PCDHA5: variants seen among roughly 807,000 people sequenced by gnomAD.
PCDHA5 encodes the protein protocadherin alpha 5, also known as protocadherin alpha-5.
A neutral mutation model predicts 61.6 loss-of-function variants in PCDHA5; 43 were observed. That is an observed-to-expected ratio of 0.70 (90% CI 0.55 to 0.90). PCDHA5 has a LOEUF of 0.90. Ranked by LOEUF, PCDHA5 falls within the 40% of genes least tolerant of loss-of-function variation. The pLI, the probability that PCDHA5 is intolerant of heterozygous loss-of-function variation, is 0.00. For missense variants in PCDHA5, 1,298 were observed against 1,222.7 expected (o/e 1.06, Z -0.92); for synonymous variants, 627 against 543.9 (o/e 1.15, Z -2.13).
At chr5:140,926,155 T>TGCAGCAGGATCCAGCGCGGAAAGCCCC (rs1563077309) in intron 1 of PCDHA5, among the ~76,000 whole-genome samples, 3 of 152,076 alleles carry the variant, frequency 2.0e-5, no homozygotes, top group African/African-American at 4.8e-5. Context: ...CGGAAAGCTC[T>TGCAGCAGGATCCAGCGCGGAAAGCCCC]GCAGCAGGAT....
rs187442653 is a variant in PCDHA5 at position 140,926,080 on chromosome 5, C to T, written c.2353-52869C>T. ...TCCCCTCCTTGTCGTCTCTATTGCC[C>T]TCTTGGCAGCTCCTGGGATACAAGA... On this transcript the variant is annotated intron_variant, in intron 1 of 3. Transcript: ENST00000529859. Among the ~76,000 whole-genome samples, 179 of 152,334 alleles carry T rather than the reference C, an allele frequency of 1.2e-3. 1 individual carries two copies. Among genetic ancestry groups the T allele is most frequent in the African/African-American group, 3.9e-3 (162 of 41,574 alleles).
At chr5:140,944,608 G>T (rs2093673405) in intron 1 of PCDHA5, among the ~76,000 whole-genome samples, 1 of 152,176 alleles carries the variant, frequency 6.6e-6, no homozygotes, top group Non-Finnish European at 1.5e-5. Context: ...AGAGTAGTGT[G>T]CTGTAGAAGT....
chr5:141,003,445 G>A (rs2098125256), intron 3 of PCDHA5, among the ~76,000 whole-genome samples: 1 of 152,112 alleles, frequency 6.6e-6, no homozygotes, highest in African/African-American at 2.4e-5. Flanking sequence ...CCAAGTAGAT[G>A]AAATTACAGG....
At position 140,863,948 on chromosome 5, in the gene PCDHA5, C is replaced by T. The variant is rs782241873; in HGVS notation, c.2352+39821C>T. On this transcript the variant is annotated intron_variant, in intron 1 of 3. Transcript: ENST00000529859. ...CCTAGGAGGCAGAGGTTGCGGTGAG[C>T]CTAGATTAGGCCACTGCACTACAGC... is the stretch of plus-strand genomic sequence containing the variant. 1.5e-3 allele frequency: 237 copies of T among 158,844 alleles called. 8 individuals carry two copies. The highest frequency in any genetic ancestry group is 2.3e-3 in the Admixed American group (40 of 17,122). 9.8% of individuals were successfully genotyped at this position (158,844 alleles called of 1,614,324 possible). A position where few individuals can be genotyped will look rare whatever the true frequency, so the allele number is the denominator to read the frequency against.
At chr5:140,927,097 G>A in intron 1 of PCDHA5, 1 of 1,613,358 alleles carries the variant, frequency 6.2e-7, no homozygotes, top group Non-Finnish European at 8.5e-7. Context: ...CTTCGGGGTG[G>A]ATCTACCCAG....
chr5:140,977,074 T>C (rs1315038002), intron 1 of PCDHA5, among the ~76,000 whole-genome samples: 1 of 152,244 alleles, frequency 6.6e-6, no homozygotes, highest in Admixed American at 6.5e-5. Flanking sequence ...AATAGCAGCA[T>C]GACAAATTAA....
At chr5:140,967,989 T>G (rs781892084) in intron 1 of PCDHA5, 2 of 1,614,228 alleles carry the variant, frequency 1.2e-6, no homozygotes, top group Non-Finnish European at 1.7e-6. Flanking sequence ...GAGGCCACAC[T>G]GCCTTTCCGA....
chr5:140,826,590 A>G (rs2150144335), intron 1 of PCDHA5, among the ~76,000 whole-genome samples: 1 of 152,246 alleles, frequency 6.6e-6, no homozygotes, highest in East Asian at 1.9e-4. Flanking sequence ...AATGGATAAC[A>G]TTAAGGTTAA....
rs191954731 is a variant in PCDHA5 at position 140,913,936 on chromosome 5, A to G, written c.2353-65013A>G. Among the ~76,000 whole-genome samples the G allele has an allele frequency of 7.5e-3, 1,149 of 152,268 alleles. 4 individuals are homozygous for G. Among genetic ancestry groups the G allele is most frequent in the Admixed American group, 0.013 (194 of 15,286 alleles). ...AATTTTACTTCATTGTGGTCAGAGA[A>G]GAATCTTGATATGATATCATTTTTA... On this transcript the variant is annotated intron_variant, in intron 1 of 3. Transcript: ENST00000529859.
intron 1 of PCDHA5, among the ~76,000 whole-genome samples, chr5:140,878,675 G>C (rs1582445027): frequency 6.6e-6 from 1 of 152,048 alleles, no homozygotes; most frequent in East Asian, 1.9e-4. Flanking sequence ...TTTAACCAGG[G>C]AATAAAGTCT....
chr5:140,827,936 C>G, intron 1 of PCDHA5: 1 of 1,115,138 alleles, frequency 9.0e-7, no homozygotes, highest in Non-Finnish European at 1.3e-6. Context: ...GAAGTTATAG[C>G]TAGCCAACAT....
chr5:140,896,256 C>T (rs1335099704), intron 1 of PCDHA5, among the ~76,000 whole-genome samples: 3 of 152,192 alleles, frequency 2.0e-5, no homozygotes, highest in Non-Finnish European at 4.4e-5. Flanking sequence ...TGGTTATGTA[C>T]ACAGTTATGG....
At chr5:140,928,157 C>T (rs782528366) in intron 1 of PCDHA5, 9 of 1,614,200 alleles carry the variant, frequency 5.6e-6, no homozygotes, top group Non-Finnish European at 7.6e-6. Flanking sequence ...GATAGTGGCT[C>T]ACCCCCACTT....
intron 1 of PCDHA5, among the ~76,000 whole-genome samples, chr5:140,841,009 C>T (rs1241373948): frequency 6.6e-6 from 1 of 151,948 alleles, no homozygotes; most frequent in African/African-American, 2.4e-5. Flanking sequence ...AGGAGCCAGA[C>T]AGTATGAATG....
chr5:140,965,496 A>ATT lies in PCDHA5; in HGVS notation c.2353-13439_2353-13438dup, dbSNP rs71766133. On this transcript the variant is annotated intron_variant, in intron 1 of 3. Coordinates refer to ENST00000529859, the MANE Select transcript of PCDHA5 (RefSeq NM_018908.3). Reference sequence around the variant, plus strand: ...CCCACATTTTGCTTAATGACAGCAGATTTTTTTTTTTTTTTAACTGCAAAG... The same window carrying ATT: ...CCCACATTTTGCTTAATGACAGCAGATTTTTTTTTTTTTTTTTAACTGCAAAG... Among the ~76,000 whole-genome samples the ATT allele has an allele frequency of 3.3e-3, 482 of 146,482 alleles. 3 individuals are homozygous for ATT. The highest frequency in any genetic ancestry group is 0.011 in the African/African-American group (455 of 40,032).
chr5:140,969,400 T>C (rs782765994), intron 1 of PCDHA5: 2 of 1,580,682 alleles, frequency 1.3e-6, no homozygotes, highest in South Asian at 2.3e-5. Flanking sequence ...TATCCTGTGA[T>C]TTGGCTTTAT....
chr5:140,870,579 G>T (rs1388213173), intron 1 of PCDHA5: 4 of 1,613,744 alleles, frequency 2.5e-6, no homozygotes, highest in Admixed American at 1.7e-5. Context: ...TGTCCTACTC[G>T]CTGGTGGAGC....
Position 140,850,144 on chromosome 5 carries a change from C to G in PCDHA5, c.2352+26017C>G. On this transcript the variant is annotated intron_variant, in intron 1 of 3. Transcript: ENST00000529859. ...GTGCCGCCTCTGGGCAGCAACGTGA[C>G]GCTGCAGGTGTTCGTGCTGGACGAG... The G allele has an allele frequency of 1.9e-6, 3 of 1,595,628 alleles. 1 individual carries two copies. In the African/African-American group the frequency reaches 4.0e-5, roughly 21 times the overall value.
At chr5:140,864,420 G>T (rs1430010861) in intron 1 of PCDHA5, 1 of 152,158 alleles carries the variant, frequency 6.6e-6, no homozygotes, top group African/African-American at 2.4e-5. Context: ...AGGCAGCTTC[G>T]TCCACAAACA....
Sources: gnomAD v4.1 joint callset for allele counts (sites outside exome capture counted in the v4.1 genomes callset) on GRCh38, gnomAD v4.1.1 for gene constraint, MANE v1.5 for transcripts, NCBI Gene and HGNC (gene_info 2026-07-23, HGNC 2026-07-21) for gene names.